AVL9: variants seen among roughly 807,000 people sequenced by gnomAD.
AVL9 encodes the protein AVL9 cell migration associated.
In AVL9, 49 loss-of-function variants were observed where a neutral mutation model predicts 79.2. The observed-to-expected ratio is 0.62, with a 90% CI of 0.49 to 0.79. AVL9 has a LOEUF of 0.79. Ranked by LOEUF, AVL9 falls within the 30% of genes least tolerant of loss-of-function variation. AVL9 has a pLI of 0.00. For missense variants in AVL9, 682 were observed against 776.8 expected, an observed-to-expected ratio of 0.88 and a Z score of 1.45; for synonymous variants, 299 against 280.6, an observed-to-expected ratio of 1.07 and a Z score of -0.65.
chr7:32,514,493 C>T (rs1053049242), intron 1 of AVL9, among the ~76,000 whole-genome samples: 4 of 152,170 alleles, frequency 2.6e-5, no homozygotes, highest in African/African-American at 7.2e-5. Flanking sequence ...ACGTATATGC[C>T]CAGATGGCCT....
rs564805383 is a variant in AVL9, at chr7:32,495,894, C to G, written c.93+92C>G. The G allele has an allele frequency of 4.1e-5, 33 of 812,664 alleles. No homozygotes were observed. The South Asian group carries it at 1.2e-3, about 30-fold the overall frequency. The allele number at this position is 812,664 out of a possible 1,614,324, so 50.3% of individuals were successfully genotyped here. Reference sequence around the variant, plus strand: ...CTGCTTCTGTGTGCTCAGCTCGCGTCGTGCAGTCCTCCCCACAGCGCCTGC... The same window carrying G: ...CTGCTTCTGTGTGCTCAGCTCGCGTGGTGCAGTCCTCCCCACAGCGCCTGC... On this transcript the variant is annotated intron_variant, in intron 1 of 15. Coordinates refer to ENST00000318709, the MANE Select transcript of AVL9 (RefSeq NM_015060.3).
intron 3 of AVL9, 115 bp downstream of exon 3, chr7:32,544,894 C>A: frequency 1.4e-6 from 1 of 695,212 alleles, no homozygotes; most frequent in Non-Finnish European, 2.4e-6. Flanking sequence ...TTTTTGTATA[C>A]AATTTGTAGC....
chr7:32,513,972 A>T (rs572576294), intron 1 of AVL9, among the ~76,000 whole-genome samples: 55 of 152,188 alleles, frequency 3.6e-4, no homozygotes, highest in Non-Finnish European at 5.6e-4. Flanking sequence ...TCAGTGCAGT[A>T]AAAAGTAACA....
chr7:32,526,518 C>T (rs1366907031), intron 1 of AVL9, among the ~76,000 whole-genome samples: 2 of 152,116 alleles, frequency 1.3e-5, no homozygotes, highest in East Asian at 3.9e-4. Flanking sequence ...GACAGAGGGG[C>T]CCAAAGCCTG....
intron 15 of AVL9, among the ~76,000 whole-genome samples, chr7:32,582,569 GTTA>G (rs1459456827): frequency 6.6e-6 from 1 of 152,076 alleles, no homozygotes; most frequent in Non-Finnish European, 1.5e-5. Flanking sequence ...ATCATTATAC[GTTA>G]TTATTTTTTA....
chr7:32,545,853 T>G (rs1789471011), intron 3 of AVL9, among the ~76,000 whole-genome samples: 1 of 152,278 alleles, frequency 6.6e-6, no homozygotes, highest in Admixed American at 6.5e-5. Flanking sequence ...TCTAAAGTAG[T>G]GAGTGGTTCT....
At chr7:32,517,749 A>T (rs1787968115) in intron 1 of AVL9, among the ~76,000 whole-genome samples, 1 of 151,762 alleles carries the variant, frequency 6.6e-6, no homozygotes, top group South Asian at 2.1e-4. Context: ...AGGTGTCAAA[A>T]TTTGGCATAA....
intron 10 of AVL9, among the ~76,000 whole-genome samples, chr7:32,563,480 G>A (rs1790417039): frequency 6.8e-6 from 1 of 146,172 alleles, no homozygotes; most frequent in African/African-American, 2.6e-5. Flanking sequence ...CTGGTATGTG[G>A]GAACCCATGG....
intron 13 of AVL9, among the ~76,000 whole-genome samples, chr7:32,578,429 T>G (rs1791194973): frequency 6.6e-6 from 1 of 152,242 alleles, no homozygotes; most frequent in African/African-American, 2.4e-5. Context: ...ATAGCCATCT[T>G]GAAATACATC....
intron 10 of AVL9, among the ~76,000 whole-genome samples, chr7:32,563,093 G>A (rs1421598657): frequency 3.3e-5 from 5 of 152,080 alleles, no homozygotes; most frequent in African/African-American, 1.2e-4. Context: ...GTACAGTGGC[G>A]TGATGTCTGC....
In AVL9 at chr7:32,570,022, A is replaced by G. The variant is rs1346053565; in HGVS notation, c.1218A>G (p.Gly406=). 2 of 1,614,088 alleles carry G rather than the reference A, an allele frequency of 1.2e-6. No individual in the cohort carries two copies. Among genetic ancestry groups the G allele is most frequent in the Admixed American group, 1.7e-5 (1 of 60,026 alleles). Residue 406 remains glycine (G), a splice_region_variant and synonymous_variant, in exon 11 of 16, where the codon GGA becomes GGG. Transcript: ENST00000318709. ...TCTATTACTCTTCTAATTCATAGGG[A>G]TATCTGTGTTTGCCTTACATGGCAT... The part of the protein sequence containing the change: ...YGMPLAIFTK[G]YLCLPYMALQ...
chr7:32,495,747 G>A lies in AVL9; in HGVS notation c.38G>A (p.Arg13Gln). The change falls in exon 1 of 16, where the codon CGG becomes CAG. Residue 13 changes from arginine (R) to glutamine (Q), a missense_variant. Physicochemically the swap from Arg to Gln is conservative, Grantham distance 43. Transcript: ENST00000318709. ...KARRGGDGVP[R>Q]GPVLHIVVVG... is the part of the protein sequence containing the mutation. ...AGGAGAGGCGGGGATGGCGTCCCCC[G>A]GGGGCCCGTACTGCACATCGTGGTG... The A allele has an allele frequency of 1.6e-6, 2 of 1,253,614 alleles. No homozygotes were observed. The highest frequency in any genetic ancestry group is 2.0e-6 in the Non-Finnish European group (2 of 989,060). 77.7% of individuals were successfully genotyped at this position (1,253,614 alleles called of 1,614,324 possible).
intron 1 of AVL9, 26 bp downstream of exon 1, chr7:32,495,828 C>T (rs1786773955): frequency 1.6e-6 from 2 of 1,251,058 alleles, no homozygotes; most frequent in Non-Finnish European, 1.0e-6. Flanking sequence ...GCCCCCGCCC[C>T]CAGCCGTTCG....
intron 10 of AVL9, among the ~76,000 whole-genome samples, chr7:32,569,595 T>C (rs1161909570): frequency 6.6e-6 from 1 of 152,236 alleles, no homozygotes; most frequent in East Asian, 1.9e-4. Context: ...GTTCTCCTAA[T>C]AGTGCTTCGG....
At chr7:32,544,096 G>A (rs1284198466) in intron 2 of AVL9, among the ~76,000 whole-genome samples, 1 of 151,984 alleles carries the variant, frequency 6.6e-6, no homozygotes, top group Non-Finnish European at 1.5e-5. Flanking sequence ...CTACAAACAT[G>A]TGAATTAAGA....
chr7:32,573,096 T>C (rs1790931516), intron 11 of AVL9, 103 bp from the exon 12 acceptor site: 1 of 848,158 alleles, frequency 1.2e-6, no homozygotes, highest in South Asian at 1.6e-5. Flanking sequence ...ATTATTCATA[T>C]TTTTTATTTC....
At chr7:32,547,073 A>G (rs1429272440) in intron 3 of AVL9, among the ~76,000 whole-genome samples, 1 of 152,150 alleles carries the variant, frequency 6.6e-6, no homozygotes, top group East Asian at 1.9e-4. Context: ...GAGGATTTTT[A>G]TGGGAGAGGG....
chr7:32,539,451 G>A (rs775886635), intron 1 of AVL9, among the ~76,000 whole-genome samples: 4 of 66,634 alleles, frequency 6.0e-5, no homozygotes, highest in Non-Finnish European at 1.1e-4. Context: ...TGGGTCTTCA[G>A]TTAGTTAACA....
chr7:32,577,246 G>C (rs11973238), intron 13 of AVL9, among the ~76,000 whole-genome samples: 11,339 of 152,150 alleles, frequency 0.075, 475 homozygotes, highest in Non-Finnish European at 0.085. Flanking sequence ...GAGGCAGGAG[G>C]ATTACTTGAA....
Sources: gnomAD v4.1 joint callset for allele counts (sites outside exome capture counted in the v4.1 genomes callset) on GRCh38, gnomAD v4.1.1 for gene constraint, MANE v1.5 for transcripts, NCBI Gene and HGNC (gene_info 2026-07-23, HGNC 2026-07-21) for gene names.